KIF13A: variants seen among roughly 807,000 people sequenced by gnomAD.
The protein encoded by KIF13A is kinesin-like protein KIF13A.
KIF13A carries 79 observed loss-of-function variants against 212.2 expected under a neutral mutation model. The ratio of observed to expected loss-of-function variants is 0.37; its 90% CI spans 0.31 to 0.45. The LOEUF (loss-of-function observed/expected upper bound fraction) is 0.45. Among genes scored for constraint, KIF13A ranks in the 20% least tolerant of loss-of-function variants. The probability of loss-of-function intolerance (pLI) is 1.00; values close to 1 mark genes in which losing one functional copy is unlikely to be tolerated. For missense variants in KIF13A, 1,901 were observed against 2,209.0 expected (o/e 0.86, Z 2.79); for synonymous variants, 789 against 808.6 (o/e 0.98, Z 0.41).
At chr6:17,782,566 C>T (rs62394102) in intron 29 of KIF13A, among the ~76,000 whole-genome samples, 32,870 of 151,718 alleles carry the variant, frequency 0.22, 3,723 homozygotes, top group South Asian at 0.35. Context: ...ACCCGGGAGG[C>T]GGAGGTTGCA....
intron 12 of KIF13A, among the ~76,000 whole-genome samples, chr6:17,833,135 C>T (rs1401566853): frequency 1.3e-5 from 2 of 150,532 alleles, no homozygotes; most frequent in Non-Finnish European, 2.9e-5. Context: ...TGCTATCTAA[C>T]ACGTCTAGCA....
intron 32 of KIF13A, 137 bp from the exon 33 acceptor site, chr6:17,779,236 C>CATATATATATATATATATATATAT: frequency 3.9e-6 from 1 of 253,890 alleles, no homozygotes; most frequent in East Asian, 7.6e-5. Flanking sequence ...TTTAAAGTAG[C>CATATATATATATATATATATATAT]ATATATATAT....
chr6:17,900,633 C>T lies in KIF13A; in HGVS notation c.147-2453G>A, dbSNP rs1478311142. On this transcript the variant is annotated intron_variant, in intron 2 of 38. Coordinates refer to ENST00000259711, the MANE Select transcript of KIF13A (RefSeq NM_022113.6). The surrounding 1 kb of genome is among the most constrained non-coding windows in gnomAD (Gnocchi z 4.6). Reference sequence around the variant, plus strand: ...CCCTTGCTACAGAAGGAAAAGTAAACCCTGTAGTGCATCATCACTGTACTT... The same window carrying T: ...CCCTTGCTACAGAAGGAAAAGTAAATCCTGTAGTGCATCATCACTGTACTT... Among the ~76,000 whole-genome samples, 1 of 152,090 alleles carries T rather than the reference C, an allele frequency of 6.6e-6. No individual in the cohort carries two copies. Among genetic ancestry groups the T allele is most frequent in the Non-Finnish European group, 1.5e-5 (1 of 67,950 alleles).
chr6:17,873,401 C>T lies in KIF13A; in HGVS notation c.196G>A (p.Glu66Lys), dbSNP rs761732143. The change falls in exon 4 of 39, where the codon GAA becomes AAA. Residue 66 changes from glutamate (E) to lysine (K), a missense_variant. Coordinates refer to ENST00000259711, the MANE Select transcript of KIF13A (RefSeq NM_022113.6). ...AFDYCFWSMD[E>K]SNTTKYAGQE... ...CCAGCGTATTTTGTAGTGTTAGATT[C>T]ATCCATGGACCAAAAGCAATAATCA... is the stretch of plus-strand genomic sequence containing the variant. 2 of 1,595,700 alleles carry T rather than the reference C, an allele frequency of 1.3e-6. No homozygotes were observed. Among genetic ancestry groups the T allele is most frequent in the East Asian group, 2.3e-5 (1 of 44,364 alleles).
chr6:17,983,866 G>T (rs553219161), intron 2 of KIF13A, among the ~76,000 whole-genome samples: 1 of 152,128 alleles, frequency 6.6e-6, no homozygotes, highest in African/African-American at 2.4e-5. Context: ...ATGTGTTGCA[G>T]GTATGCTTTC....
rs1400446771 is a variant in KIF13A at position 17,899,362 on chromosome 6, T to C, written c.147-1182A>G. On this transcript the variant is annotated intron_variant, in intron 2 of 38. Coordinates refer to ENST00000259711, the MANE Select transcript of KIF13A (RefSeq NM_022113.6). The surrounding 1 kb of genome is among the most constrained non-coding windows in gnomAD (Gnocchi z 5.2). ...ACCCCATGGCTTTAATCATTCTTCA[T>C]AGGAAATAGAATCATGGGGCTAAGA... is the stretch of plus-strand genomic sequence containing the variant. Among the ~76,000 whole-genome samples, 1 of 152,136 alleles carries C rather than the reference T, an allele frequency of 6.6e-6. No homozygotes were observed. Among genetic ancestry groups the C allele is most frequent in the Non-Finnish European group, 1.5e-5 (1 of 68,028 alleles).
rs72839129 is a variant in KIF13A at position 17,916,851 on chromosome 6, T to C, written c.147-18671A>G. On this transcript the variant is annotated intron_variant, in intron 2 of 38. Transcript: ENST00000259711. ...CCTATTAATATAACCCTGAGTATTATTGGTGAAGTAACAGTAGTGTAGTAC... is the reference window on the plus strand; with the variant it reads ...CCTATTAATATAACCCTGAGTATTACTGGTGAAGTAACAGTAGTGTAGTAC... 1.8e-3 allele frequency among the ~76,000 whole-genome samples: 277 copies of C among 152,316 alleles called. 1 individual carries two copies. The highest frequency in any genetic ancestry group is 6.2e-3 in the South Asian group (30 of 4,830).
intron 25 of KIF13A, among the ~76,000 whole-genome samples, chr6:17,791,618 T>C (rs1239379841): frequency 6.6e-6 from 1 of 152,082 alleles, no homozygotes; most frequent in African/African-American, 2.4e-5. Flanking sequence ...ATGTGAACAG[T>C]TGCTGGGTGT....
In KIF13A at chr6:17,849,524, T is replaced by TA. The variant is rs766332912; in HGVS notation, c.718-36dup. The TA allele has an allele frequency of 1.3e-6, 2 of 1,523,712 alleles. No homozygotes were observed. Among genetic ancestry groups the TA allele is most frequent in the African/African-American group, 2.7e-5 (2 of 73,018 alleles). The allele number at this position is 1,523,712 out of a possible 1,614,324, so 94.4% of individuals were successfully genotyped here. A position where few individuals can be genotyped will look rare whatever the true frequency, so the allele number is the denominator to read the frequency against. On this transcript the variant is annotated intron_variant, in intron 8 of 38. Transcript: ENST00000259711. This position sits in a 1 kb window ranked among gnomAD's most constrained non-coding sequence, Gnocchi z 5.7. ...GGAAACGAGAGAGAGAAGAAAAACTTATCAATAAAAACCACATGGATATCT... is the reference window on the plus strand; with the variant it reads ...GGAAACGAGAGAGAGAAGAAAAACTTAATCAATAAAAACCACATGGATATCT...
In KIF13A at chr6:17,794,453, A is replaced by G. The variant is rs765117840; in HGVS notation, c.3076-58T>C. 1.5e-5 allele frequency: 24 copies of G among 1,576,020 alleles called. No individual in the cohort carries two copies. Among genetic ancestry groups the G allele is most frequent in the Admixed American group, 7.1e-5 (4 of 56,266 alleles). ...GAATGATAATGAAAAGGAACGGGATAAAGAAGGGGAAAAGGATTAGAGAAT... is the reference window on the plus strand; with the variant it reads ...GAATGATAATGAAAAGGAACGGGATGAAGAAGGGGAAAAGGATTAGAGAAT... On this transcript the variant is annotated intron_variant, in intron 24 of 38. Transcript: ENST00000259711. This position sits in a 1 kb window ranked among gnomAD's most constrained non-coding sequence, Gnocchi z 4.1.
Position 17,858,660 on chromosome 6 carries a change from CAGGCTT to C in KIF13A, c.221-2544_221-2539del, listed in dbSNP as rs1457577358. Among the ~76,000 whole-genome samples the C allele has an allele frequency of 1.1e-4, 17 of 152,248 alleles. No individual in the cohort carries two copies. The South Asian group carries it at 3.3e-3, about 30-fold the overall frequency. ...CCCAGAATTAAATCCAGCCTGTGCC[CAGGCTT>C]ATTAGGATTGCTTGTGGTCCTCAGC... On this transcript the variant is annotated intron_variant, in intron 4 of 38. Coordinates refer to ENST00000259711, the MANE Select transcript of KIF13A (RefSeq NM_022113.6).
chr6:17,799,739 CA>C lies in KIF13A; in HGVS notation c.2616+212del, dbSNP rs1260804788. 6.6e-6 allele frequency among the ~76,000 whole-genome samples: 1 copy of C among 152,176 alleles called. No homozygotes were observed. On this transcript the variant is annotated intron_variant, in intron 21 of 38. Transcript: ENST00000259711. The surrounding 1 kb of genome is among the most constrained non-coding windows in gnomAD (Gnocchi z 4.4). ...TTCACTAAGCAACATACACTTCTTG[CA>C]TGTCAAATACATAAACACTTTTGAA...
At chr6:17,953,276 T>C (rs1268683070) in intron 2 of KIF13A, among the ~76,000 whole-genome samples, 1 of 148,858 alleles carries the variant, frequency 6.7e-6, no homozygotes, top group Non-Finnish European at 1.5e-5. Flanking sequence ...TATGCATACA[T>C]ACATATACAC....
chr6:17,771,337 C>A lies in KIF13A; in HGVS notation c.4477-119G>T. 1 of 653,988 alleles carries A rather than the reference C, an allele frequency of 1.5e-6. No individual in the cohort carries two copies. The highest frequency in any genetic ancestry group is 1.8e-5 in the South Asian group (1 of 56,218). The allele number at this position is 653,988 out of a possible 1,614,324, so 40.5% of individuals were successfully genotyped here. A position where few individuals can be genotyped will look rare whatever the true frequency, so the allele number is the denominator to read the frequency against. ...ACACTCTTATTACATGTGAGTAATGCAGCAGCCAATTCTGCAGGCCAGAGT... is the reference window on the plus strand; with the variant it reads ...ACACTCTTATTACATGTGAGTAATGAAGCAGCCAATTCTGCAGGCCAGAGT... On this transcript the variant is annotated intron_variant, in intron 37 of 38. Transcript: ENST00000259711. The surrounding 1 kb of genome is among the most constrained non-coding windows in gnomAD (Gnocchi z 5.4).
At chr6:17,831,000 C>T in intron 13 of KIF13A, 101 bp downstream of exon 13, 5 of 1,094,698 alleles carry the variant, frequency 4.6e-6, no homozygotes, top group Non-Finnish European at 6.6e-6. Flanking sequence ...GAGGGCTAAG[C>T]TGGATACAAA....
chr6:17,980,355 G>A (rs1780955752), intron 2 of KIF13A, among the ~76,000 whole-genome samples: 1 of 152,200 alleles, frequency 6.6e-6, no homozygotes, highest in Non-Finnish European at 1.5e-5. Flanking sequence ...ACTGAAGGAT[G>A]TGCTCTACAA....
At position 17,764,703 on chromosome 6, in the gene KIF13A, G is replaced by C. The variant is rs765885011; in HGVS notation, c.4825C>G (p.Leu1609Val). Residue 1609 changes from leucine to valine, a missense_variant, in exon 39 of 39, where the codon CTG (leucine) becomes GTG (valine). Leu to Val is a conservative substitution (Grantham distance 32). Coordinates refer to ENST00000259711, the MANE Select transcript of KIF13A (RefSeq NM_022113.6). The surrounding 1 kb of genome is among the most constrained non-coding windows in gnomAD (Gnocchi z 5.1). ...CTAGAAGGGACCACCATGTCAGACA[G>C]GGTGGCATTGGAGGCACTGTGGGAA... ...YFSHSASNATLSDMVVPSSDS... is the reference protein window; with the variant it reads ...YFSHSASNATVSDMVVPSSDS... 5 of 1,613,468 alleles carry C rather than the reference G, an allele frequency of 3.1e-6. No homozygotes were observed. The Admixed American group carries it at 6.7e-5, about 22-fold the overall frequency.
intron 20 of KIF13A, among the ~76,000 whole-genome samples, chr6:17,802,701 C>T (rs890110165): frequency 2.0e-5 from 3 of 152,006 alleles, no homozygotes; most frequent in Non-Finnish European, 4.4e-5. Flanking sequence ...ATTAAGAAGT[C>T]CTGAACTAGG....
chr6:17,834,989 G>GCTAACA lies in KIF13A; in HGVS notation c.1156-924_1156-919dup, dbSNP rs1765794017. On this transcript the variant is annotated intron_variant, in intron 11 of 38. Transcript: ENST00000259711. This position sits in a 1 kb window ranked among gnomAD's most constrained non-coding sequence, Gnocchi z 4.0. ...GGGTGAATCACTTGAGACCAGCCTG[G>GCTAACA]CTAACATGGCGAAACCCTGTCTCTA... is the stretch of plus-strand genomic sequence containing the variant. Among the ~76,000 whole-genome samples, 1 of 151,840 alleles carries GCTAACA rather than the reference G, an allele frequency of 6.6e-6. No homozygotes were observed. Among genetic ancestry groups the GCTAACA allele is most frequent in the African/African-American group, 2.4e-5 (1 of 41,332 alleles).
Sources: allele counts gnomAD v4.1 joint callset (sites outside exome capture counted in the v4.1 genomes callset), GRCh38; gene constraint gnomAD v4.1.1; non-coding constraint Gnocchi (gnomAD v3.1); transcripts MANE v1.5; gene names NCBI Gene and HGNC (gene_info 2026-07-23, HGNC 2026-07-21).